The following CBFA2T3 variants were observed in gnomAD, a reference collection of about 807,000 sequenced individuals.
CBFA2T3 encodes transcriptional corepressor CBFA2T3.
In CBFA2T3, 31 loss-of-function variants were observed where a neutral mutation model predicts 58.6. That is an observed-to-expected ratio of 0.53 (90% CI 0.40 to 0.71). The LOEUF (loss-of-function observed/expected upper bound fraction) is 0.71, where lower values mean the gene tolerates loss of function less well. Among genes scored for constraint, CBFA2T3 ranks in the 30% least tolerant of loss-of-function variants. The probability of loss-of-function intolerance (pLI) is 0.00; values close to 1 mark genes in which losing one functional copy is unlikely to be tolerated. For missense variants in CBFA2T3, 1,076 were observed against 963.1 expected (o/e 1.12, Z -1.55); for synonymous variants, 531 against 421.9 (o/e 1.26, Z -3.17).
intron 1 of CBFA2T3, among the ~76,000 whole-genome samples, chr16:88,916,015 T>C (rs916209517): frequency 3.3e-5 from 5 of 152,084 alleles, no homozygotes; most frequent in African/African-American, 1.2e-4. Context: ...CATGGGTGTG[T>C]GTCCGTGTGT....
In CBFA2T3 at chr16:88,881,530, C is replaced by T. The variant is rs373074041; in HGVS notation, c.1204-41G>A. 289 of 1,567,158 alleles carry T rather than the reference C, an allele frequency of 1.8e-4. 3 individuals carry two copies. The highest frequency in any genetic ancestry group is 2.2e-4 in the Non-Finnish European group (249 of 1,150,426). ...GCAGCCTTCAGCACCTCAGAGGGACCGGGACGCACCAGACACTCCCCCAGC... is the reference window on the plus strand; with the variant it reads ...GCAGCCTTCAGCACCTCAGAGGGACTGGGACGCACCAGACACTCCCCCAGC... On this transcript the variant is annotated intron_variant, in intron 8 of 11. Transcript: ENST00000268679.
At chr16:88,893,420 C>T (rs998393795) in intron 3 of CBFA2T3, among the ~76,000 whole-genome samples, 3 of 152,168 alleles carry the variant, frequency 2.0e-5, no homozygotes, top group African/African-American at 4.8e-5. Flanking sequence ...AGACAGGTGA[C>T]TCCCAGCCAT....
At chr16:88,906,504 T>G (rs111668492) in intron 1 of CBFA2T3, among the ~76,000 whole-genome samples, 52 of 151,950 alleles carry the variant, frequency 3.4e-4, no homozygotes, top group African/African-American at 1.2e-3. Flanking sequence ...CTTGGAAAAA[T>G]AAAATCGCAC....
chr16:88,910,601 G>C (rs1158076872), intron 1 of CBFA2T3, among the ~76,000 whole-genome samples: 1 of 152,224 alleles, frequency 6.6e-6, no homozygotes, highest in Non-Finnish European at 1.5e-5. Context: ...AAGAGCTGTG[G>C]GGTGAGCTGC....
chr16:88,894,193 A>G (rs570735592), intron 3 of CBFA2T3, among the ~76,000 whole-genome samples: 1 of 149,148 alleles, frequency 6.7e-6, no homozygotes, highest in African/African-American at 2.5e-5. Context: ...ACATATACAC[A>G]TGCACACAAT....
intron 1 of CBFA2T3, among the ~76,000 whole-genome samples, chr16:88,918,513 C>G (rs937349335): frequency 1.3e-5 from 2 of 152,264 alleles, no homozygotes; most frequent in African/African-American, 4.8e-5. Flanking sequence ...CCTCCAGAGC[C>G]CACACGGTTA....
intron 9 of CBFA2T3, 159 bp downstream of exon 9, chr16:88,881,132 G>A: frequency 1.3e-6 from 1 of 773,372 alleles, no homozygotes; most frequent in Non-Finnish European, 2.2e-6. Flanking sequence ...CTTCCTGGCA[G>A]ACCAGCCCGT....
At chr16:88,894,424 T>C (rs1306597632) in intron 3 of CBFA2T3, among the ~76,000 whole-genome samples, 2 of 105,838 alleles carry the variant, frequency 1.9e-5, no homozygotes, top group Non-Finnish European at 3.7e-5. Flanking sequence ...TGCATACATA[T>C]ACACATGCAC....
At chr16:88,944,109 C>T (rs1039957565) in intron 1 of CBFA2T3, among the ~76,000 whole-genome samples, 1 of 151,966 alleles carries the variant, frequency 6.6e-6, no homozygotes, top group Non-Finnish European at 1.5e-5. Context: ...AGGCCGAGGC[C>T]GGCGGATCAT....
rs1336796775 is a variant in CBFA2T3, at chr16:88,976,720, C to T, written c.88G>A (p.Glu30Lys). Residue 30 changes from glutamate to lysine, a missense_variant, in exon 1 of 12, where the codon GAG (glutamate) becomes AAG (lysine). Transcript: ENST00000268679. ...CCGGCAGATGCCAGGAGGCCGCTCTCCAGCACAGGGTGCGTCTGGGACATG... is the reference window on the plus strand; with the variant it reads ...CCGGCAGATGCCAGGAGGCCGCTCTTCAGCACAGGGTGCGTCTGGGACATG... ...GSMSQTHPVL[E>K]SGLLASAGCS... is the part of the protein sequence containing the mutation. 1.3e-6 allele frequency: 2 copies of T among 1,558,806 alleles called. No homozygotes were observed. The highest frequency in any genetic ancestry group is 1.7e-6 in the Non-Finnish European group (2 of 1,151,320).
intron 1 of CBFA2T3, among the ~76,000 whole-genome samples, chr16:88,963,236 G>A (rs888055165): frequency 2.0e-5 from 3 of 151,444 alleles, no homozygotes; most frequent in African/African-American, 7.3e-5. Context: ...GTGGGGGAAG[G>A]CCAGGGGTGG....
chr16:88,915,610 A>AGGGGAGCGTGGAGG, intron 1 of CBFA2T3, among the ~76,000 whole-genome samples: 1 of 15,708 alleles, frequency 6.4e-5, no homozygotes, highest in African/African-American at 2.9e-4. Flanking sequence ...GGGAGCGTAG[A>AGGGGAGCGTGGAGG]GGGGAGCGTG....
At chr16:88,881,013 T>C in intron 9 of CBFA2T3, 1 of 684,530 alleles carries the variant, frequency 1.5e-6, no homozygotes, top group Non-Finnish European at 2.6e-6. Flanking sequence ...GAGCCGTGTG[T>C]GTCCTGGGCC....
intron 1 of CBFA2T3, among the ~76,000 whole-genome samples, chr16:88,922,698 C>T (rs1018571784): frequency 1.3e-5 from 2 of 152,248 alleles, no homozygotes; most frequent in African/African-American, 4.8e-5. Flanking sequence ...CAGGCCGGGT[C>T]CCAGCTTGCA....
intron 1 of CBFA2T3, among the ~76,000 whole-genome samples, chr16:88,909,872 C>T (rs957548510): frequency 5.3e-5 from 8 of 152,210 alleles, no homozygotes; most frequent in African/African-American, 1.9e-4. Flanking sequence ...TCTACTTGGC[C>T]GGGCAGCCGT....
chr16:88,880,529 T>C (rs1969025307), intron 10 of CBFA2T3, among the ~76,000 whole-genome samples, 191 bp downstream of exon 10: 1 of 152,224 alleles, frequency 6.6e-6, no homozygotes, highest in African/African-American at 2.4e-5. Context: ...TAGGCGCAGG[T>C]AGCAGCTGTC....
Position 88,898,165 on chromosome 16 carries a change from TAAG to T in CBFA2T3, c.305-16_305-14del, listed in dbSNP as rs755891517. 1.6e-5 allele frequency: 25 copies of T among 1,606,182 alleles called. No homozygotes were observed. Among genetic ancestry groups the T allele is most frequent in the East Asian group, 8.9e-5 (4 of 44,856 alleles). On this transcript the variant is annotated splice_polypyrimidine_tract_variant and intron_variant, in intron 2 of 11. Transcript: ENST00000268679. The stretch of plus-strand genomic sequence containing the variant: ...CCGTCCTCTCGATCTGTAAGCAAAA[TAAG>T]AAGAACACGCTGTCAGGAGGGGCGT...
chr16:88,876,048 A>G lies in CBFA2T3; in HGVS notation c.*928T>C, dbSNP rs1968819199. 4.3e-6 allele frequency: 1 copy of G among 232,908 alleles called. No individual in the cohort carries two copies. 14.4% of individuals were successfully genotyped at this position (232,908 alleles called of 1,614,324 possible). Reference sequence around the variant, plus strand: ...ACAAACAAAATCAGAACAGAAGAGAAAAAGACCCACATCCAAACAAACCCA... The same window carrying G: ...ACAAACAAAATCAGAACAGAAGAGAGAAAGACCCACATCCAAACAAACCCA... On this transcript the variant is annotated 3_prime_UTR_variant, in exon 12 of 12. Coordinates refer to ENST00000268679, the MANE Select transcript of CBFA2T3 (RefSeq NM_005187.6).
Position 88,876,872 on chromosome 16 carries a change from T to C in CBFA2T3, c.*104A>G, listed in dbSNP as rs182442190. The C allele has an allele frequency of 1.2e-4, 108 of 922,062 alleles. No homozygotes were observed. Among genetic ancestry groups the C allele is most frequent in the Non-Finnish European group, 1.4e-4 (95 of 658,358 alleles). 57.1% of individuals were successfully genotyped at this position (922,062 alleles called of 1,614,324 possible). A position where few individuals can be genotyped will look rare whatever the true frequency, so the allele number is the denominator to read the frequency against. ...CTCCCCCAGGTCAGGCGGGGCGCAG[T>C]GTCTGGCAGGCCAGGCATCGGAGGC... On this transcript the variant is annotated 3_prime_UTR_variant, in exon 12 of 12. Transcript: ENST00000268679.
Sources: gnomAD v4.1 joint callset for allele counts (sites outside exome capture counted in the v4.1 genomes callset) on GRCh38, gnomAD v4.1.1 for gene constraint, MANE v1.5 for transcripts, NCBI Gene and HGNC (gene_info 2026-07-23, HGNC 2026-07-21) for gene names.